FLT3: variants seen among roughly 807,000 people sequenced by gnomAD.
FLT3 encodes the protein receptor-type tyrosine-protein kinase FLT3.
In FLT3, 46 loss-of-function variants were observed where a neutral mutation model predicts 126.6. The ratio of observed to expected loss-of-function variants is 0.36; its 90% CI spans 0.29 to 0.46. The LOEUF (loss-of-function observed/expected upper bound fraction) is 0.46. FLT3 is among the 20% of genes least tolerant of loss of function. The pLI is 1.00. For missense variants in FLT3, 1,069 were observed against 1,190.3 expected (o/e 0.90, Z 1.50); for synonymous variants, 404 against 434.4 (o/e 0.93, Z 0.87).
intron 11 of FLT3, 96 bp downstream of exon 11, chr13:28,035,838 AT>A: frequency 8.1e-7 from 1 of 1,234,360 alleles, no homozygotes; most frequent in Non-Finnish European, 1.2e-6. Flanking sequence ...CATTTTAAAT[AT>A]TTCATCATTT....
intron 3 of FLT3, 94 bp downstream of exon 3, chr13:28,061,772 CA>C (rs1173582311): frequency 0.014 from 10,587 of 755,152 alleles, no homozygotes; most frequent in Non-Finnish European, 0.015. Flanking sequence ...CCCTGACTCA[CA>C]AAAAAAAAAG....
At chr13:28,054,801 T>C (rs1875857193) in intron 4 of FLT3, among the ~76,000 whole-genome samples, 1 of 152,230 alleles carries the variant, frequency 6.6e-6, no homozygotes, top group Admixed American at 6.5e-5. Flanking sequence ...TGAATTGCTT[T>C]CTGCTCAAAT....
Position 28,024,398 on chromosome 13 carries a change from G to A in FLT3, c.2290+463C>T, listed in dbSNP as rs541713527. On this transcript the variant is annotated intron_variant, in intron 18 of 23. Transcript: ENST00000241453. ...CCTGCCTGCCTCGGCCTCCCAAGGC[G>A]TGATTACAGGCGTGAGCCACCACGG... Among the ~76,000 whole-genome samples the A allele has an allele frequency of 5.3e-5, 8 of 152,290 alleles. No homozygotes were observed. In the East Asian group the frequency reaches 5.8e-4, roughly 11 times the overall value.
intron 1 of FLT3, among the ~76,000 whole-genome samples, chr13:28,082,037 G>A (rs1372778212): frequency 2.0e-5 from 3 of 151,372 alleles, no homozygotes; most frequent in African/African-American, 4.9e-5. Context: ...TATATTTTTA[G>A]TAAAGACAGG....
intron 3 of FLT3, among the ~76,000 whole-genome samples, chr13:28,058,207 T>TACAAA (rs1876189987): frequency 1.6e-5 from 2 of 127,674 alleles, no homozygotes; most frequent in East Asian, 2.4e-4. Flanking sequence ...TTTTAAAAAT[T>TACAAA]AAAAAAAAAA....
In FLT3 at chr13:28,020,529, T is replaced by C. The variant is rs994836128; in HGVS notation, c.2419-1940A>G. Reference sequence around the variant, plus strand: ...TGCCTGGCTGTTTTTCTATTCTTAGTAGAGATGGGGTTTTGCCATGTTGGC... The same window carrying C: ...TGCCTGGCTGTTTTTCTATTCTTAGCAGAGATGGGGTTTTGCCATGTTGGC... On this transcript the variant is annotated intron_variant, in intron 19 of 23. Coordinates refer to ENST00000241453, the MANE Select transcript of FLT3 (RefSeq NM_004119.3). 3.3e-5 allele frequency among the ~76,000 whole-genome samples: 5 copies of C among 152,060 alleles called. No individual in the cohort carries two copies. In the East Asian group the frequency reaches 7.7e-4, roughly 23 times the overall value.
intron 1 of FLT3, among the ~76,000 whole-genome samples, chr13:28,090,181 C>T (rs1243721608): frequency 6.6e-6 from 1 of 151,786 alleles, no homozygotes; most frequent in African/African-American, 2.4e-5. Context: ...GCTGGGATTA[C>T]AGGCGTGCAT....
At chr13:28,050,563 GA>G (rs1875351366) in intron 5 of FLT3, among the ~76,000 whole-genome samples, 1 of 152,152 alleles carries the variant, frequency 6.6e-6, no homozygotes, top group African/African-American at 2.4e-5. Context: ...AGAGAAGAAA[GA>G]GAGAAGAGAA....
chr13:28,036,090 G>A, intron 10 of FLT3, 47 bp from the exon 11 acceptor site: 1 of 1,478,988 alleles, frequency 6.8e-7, no homozygotes, highest in Non-Finnish European at 9.5e-7. Flanking sequence ...GGGCATAGTG[G>A]TTCACTCCTA....
intron 1 of FLT3, among the ~76,000 whole-genome samples, chr13:28,078,266 C>A (rs1878096287): frequency 6.6e-6 from 1 of 152,226 alleles, no homozygotes; most frequent in Non-Finnish European, 1.5e-5. Context: ...CCATGAGGAC[C>A]CTGCCCCTGC....
chr13:28,088,036 C>A (rs1018045619), intron 1 of FLT3, among the ~76,000 whole-genome samples: 7 of 152,010 alleles, frequency 4.6e-5, no homozygotes, highest in African/African-American at 1.2e-4. Flanking sequence ...TTTCTTGTTC[C>A]TTGTTTGTCT....
chr13:28,092,499 T>G (rs961795652), intron 1 of FLT3, among the ~76,000 whole-genome samples: 17 of 152,120 alleles, frequency 1.1e-4, no homozygotes, highest in Non-Finnish European at 1.6e-4. Context: ...CCAGAGTGGC[T>G]GGGCTTACAG....
At chr13:28,064,484 A>G (rs1215418151) in intron 2 of FLT3, among the ~76,000 whole-genome samples, 1 of 152,044 alleles carries the variant, frequency 6.6e-6, no homozygotes, top group Non-Finnish European at 1.5e-5. Context: ...GAGGCAGAGA[A>G]CTGCTTGAAC....
At chr13:28,076,166 C>T (rs1012588333) in intron 1 of FLT3, among the ~76,000 whole-genome samples, 1 of 152,104 alleles carries the variant, frequency 6.6e-6, no homozygotes, top group African/African-American at 2.4e-5. Context: ...TTTATTCATC[C>T]ATCCATGCAA....
At chr13:28,037,070 C>A in intron 10 of FLT3, 115 bp downstream of exon 10, 2 of 646,324 alleles carry the variant, frequency 3.1e-6, no homozygotes, top group Non-Finnish European at 5.4e-6. Context: ...CTTCAGCGTA[C>A]AAAAACAGTT....
intron 5 of FLT3, among the ~76,000 whole-genome samples, chr13:28,051,836 G>GGCCCTATAC (rs1875510861): frequency 5.3e-5 from 8 of 150,300 alleles, no homozygotes; most frequent in African/African-American, 2.0e-4. Context: ...GTGAGCCACT[G>GGCCCTATAC]TGCCCAGCCT....
chr13:28,011,578 C>T (rs1871365385), intron 23 of FLT3, among the ~76,000 whole-genome samples: 2 of 151,290 alleles, frequency 1.3e-5, no homozygotes, highest in Admixed American at 1.3e-4. Context: ...CTCCTTCAGA[C>T]TGGCTTAGAC....
chr13:28,022,303 G>A (rs1182427507), intron 19 of FLT3, among the ~76,000 whole-genome samples: 1 of 152,094 alleles, frequency 6.6e-6, no homozygotes, highest in African/African-American at 2.4e-5. Context: ...CTTGAGCTCA[G>A]GATTTCAAGA....
At chr13:28,037,315 T>C (rs750129979) in intron 9 of FLT3, 27 bp from the exon 10 acceptor site, 3 of 1,354,230 alleles carry the variant, frequency 2.2e-6, no homozygotes, top group Admixed American at 1.7e-5. Flanking sequence ...TAAAGACAGA[T>C]TTAGCCCAAT....
Sources: gnomAD v4.1 joint callset for allele counts (sites outside exome capture counted in the v4.1 genomes callset) on GRCh38, gnomAD v4.1.1 for gene constraint, MANE v1.5 for transcripts, NCBI Gene and HGNC (gene_info 2026-07-23, HGNC 2026-07-21) for gene names.